The following ARL8B variants were observed in gnomAD, a reference collection of about 807,000 sequenced individuals.
ARL8B encodes the protein ARF like GTPase 8B.
In ARL8B, 9 loss-of-function variants were observed where a neutral mutation model predicts 30.6. The observed-to-expected ratio is 0.29, with a 90% confidence interval of 0.18 to 0.51. The LOEUF (loss-of-function observed/expected upper bound fraction) is 0.51, where lower values mean the gene tolerates loss of function less well. Among genes scored for constraint, ARL8B ranks in the 20% least tolerant of loss-of-function variants. The probability of loss-of-function intolerance (pLI) is 0.97; values close to 1 mark genes in which losing one functional copy is unlikely to be tolerated. For missense variants in ARL8B, 130 were observed against 227.2 expected (o/e 0.57, Z 2.75); for synonymous variants, 74 against 76.0 (o/e 0.97, Z 0.14).
At chr3:5,128,770 A>G (rs911676141) in intron 1 of ARL8B, among the ~76,000 whole-genome samples, 1 of 152,236 alleles carries the variant, frequency 6.6e-6, no homozygotes, top group African/African-American at 2.4e-5. Context: ...ACCATCCAAG[A>G]TTAACTACTG....
At chr3:5,151,676 TG>T (rs565368112) in intron 1 of ARL8B, among the ~76,000 whole-genome samples, 78 of 152,168 alleles carry the variant, frequency 5.1e-4, no homozygotes, top group African/African-American at 1.6e-3. Context: ...GTATGATTTT[TG>T]TATGACTTGA....
chr3:5,163,511 A>G (rs1023906080), intron 1 of ARL8B, among the ~76,000 whole-genome samples: 4 of 152,220 alleles, frequency 2.6e-5, no homozygotes, highest in Non-Finnish European at 4.4e-5. Flanking sequence ...GAAAATGAAC[A>G]TTGTATATAT....
intron 1 of ARL8B, among the ~76,000 whole-genome samples, chr3:5,123,856 C>T (rs1384457597): frequency 6.6e-6 from 1 of 152,104 alleles, no homozygotes; most frequent in Non-Finnish European, 1.5e-5. Flanking sequence ...TTGTTCGGCT[C>T]CTTTTCTAGT....
chr3:5,159,514 A>G (rs1257349236), intron 1 of ARL8B, among the ~76,000 whole-genome samples: 1 of 149,536 alleles, frequency 6.7e-6, no homozygotes, highest in Non-Finnish European at 1.5e-5. Flanking sequence ...AGGCAGGAGA[A>G]TCCCTTGAAC....
Position 5,172,294 on chromosome 3 carries a change from A to AT in ARL8B, c.278+74dup. The AT allele has an allele frequency of 7.4e-6, 10 of 1,353,020 alleles. No homozygotes were observed. In the South Asian group the frequency reaches 1.3e-4, roughly 17 times the overall value. 83.8% of individuals were successfully genotyped at this position (1,353,020 alleles called of 1,614,324 possible). A position where few individuals can be genotyped will look rare whatever the true frequency, so the allele number is the denominator to read the frequency against. On this transcript the variant is annotated intron_variant, in intron 3 of 6. Transcript: ENST00000256496. ...ATCAAAGAAGAAAGTTTATTTTAGT[A>AT]TTTCCAGAGGCTCAATTTTTATCTC...
intron 5 of ARL8B, 60 bp from the exon 6 acceptor site, chr3:5,174,284 A>G: frequency 1.6e-6 from 2 of 1,246,296 alleles, no homozygotes; most frequent in Non-Finnish European, 2.4e-6. Context: ...AAAATTGAAC[A>G]AAGTGATAAG....
rs369119577 is a variant in ARL8B, at chr3:5,177,980, G to A, written c.512-684G>A. On this transcript the variant is annotated intron_variant, in intron 6 of 6. Coordinates refer to ENST00000256496, the MANE Select transcript of ARL8B (RefSeq NM_018184.3). ...TGTTTCGTTAATGCATGTTAGCTGG[G>A]AAACTGGTAGTGAATTTACCCTCAT... Among the ~76,000 whole-genome samples, 11 of 152,316 alleles carry A rather than the reference G, an allele frequency of 7.2e-5. No individual in the cohort carries two copies. In the South Asian group the frequency reaches 2.1e-3, roughly 29 times the overall value.
At chr3:5,162,374 A>C (rs1241216604) in intron 1 of ARL8B, among the ~76,000 whole-genome samples, 1 of 152,212 alleles carries the variant, frequency 6.6e-6, no homozygotes, top group Admixed American at 6.5e-5. Flanking sequence ...AGAAGAATCT[A>C]GGGTTGCCTT....
At position 5,178,985 on chromosome 3, in the gene ARL8B, C is replaced by A. The variant is rs562244007; in HGVS notation, c.*272C>A. On this transcript the variant is annotated 3_prime_UTR_variant, in exon 7 of 7. Transcript: ENST00000256496. ...TAGAGCTTTAAAAACAGAAAAAAAA[C>A]CCCATATACTTATGACCATCTTAAA... 5.2e-4 allele frequency: 173 copies of A among 334,056 alleles called. No homozygotes were observed. The highest frequency in any genetic ancestry group is 2.9e-3 in the African/African-American group (137 of 46,840). 20.7% of individuals were successfully genotyped at this position (334,056 alleles called of 1,614,324 possible).
intron 1 of ARL8B, among the ~76,000 whole-genome samples, chr3:5,142,523 C>T (rs949735580): frequency 6.6e-6 from 1 of 152,176 alleles, no homozygotes; most frequent in Non-Finnish European, 1.5e-5. Flanking sequence ...GCCTGAGGTC[C>T]TCCCGTAGCA....
In ARL8B at chr3:5,178,802, T is replaced by G. The variant is rs775243372; in HGVS notation, c.*89T>G. On this transcript the variant is annotated 3_prime_UTR_variant, in exon 7 of 7. Transcript: ENST00000256496. ...GAAGTAATTCCCAGAATACGGTCCT[T>G]CCTAAACCCCAGAAATTGCCTTTTT... The G allele has an allele frequency of 6.3e-7, 1 of 1,590,564 alleles. No individual in the cohort carries two copies. Among genetic ancestry groups the G allele is most frequent in the South Asian group, 1.1e-5 (1 of 88,916 alleles).
intron 1 of ARL8B, among the ~76,000 whole-genome samples, chr3:5,142,182 C>A (rs975982720): frequency 6.6e-6 from 1 of 152,086 alleles, no homozygotes; most frequent in African/African-American, 2.4e-5. Flanking sequence ...CCCATAGTAC[C>A]ACCAGACGTT....
At position 5,123,217 on chromosome 3, in the gene ARL8B, A is replaced by G. The variant is rs371478990; in HGVS notation, c.123+629A>G. Among the ~76,000 whole-genome samples, 23 of 152,328 alleles carry G rather than the reference A, an allele frequency of 1.5e-4. No homozygotes were observed. The East Asian group carries it at 3.5e-3, about 23-fold the overall frequency. On this transcript the variant is annotated intron_variant, in intron 1 of 6. Coordinates refer to ENST00000256496, the MANE Select transcript of ARL8B (RefSeq NM_018184.3). Reference sequence around the variant, plus strand: ...CACAATACATAGTATTTATTAAGCTAAGAGTTAATTGTCTTAAGCGACTAG... The same window carrying G: ...CACAATACATAGTATTTATTAAGCTGAGAGTTAATTGTCTTAAGCGACTAG...
At chr3:5,151,799 C>T (rs765348898) in intron 1 of ARL8B, among the ~76,000 whole-genome samples, 3 of 148,182 alleles carry the variant, frequency 2.0e-5, no homozygotes, top group African/African-American at 5.0e-5. Context: ...GCTGGCTGCA[C>T]CCTCAACCTC....
At chr3:5,178,441 G>C (rs957604836) in intron 6 of ARL8B, among the ~76,000 whole-genome samples, 1 of 147,958 alleles carries the variant, frequency 6.8e-6, no homozygotes, top group African/African-American at 2.5e-5. Flanking sequence ...GGCACCAGCC[G>C]TCCTATACAC....
intron 6 of ARL8B, among the ~76,000 whole-genome samples, chr3:5,176,294 G>C (rs1409564174): frequency 1.3e-5 from 2 of 152,072 alleles, no homozygotes; most frequent in African/African-American, 4.8e-5. Context: ...GCAGTGGCAA[G>C]ATCTTAGCTC....
At chr3:5,162,260 T>A (rs1411535911) in intron 1 of ARL8B, among the ~76,000 whole-genome samples, 2 of 152,250 alleles carry the variant, frequency 1.3e-5, no homozygotes, top group Non-Finnish European at 2.9e-5. Flanking sequence ...AAAGAGAATG[T>A]CACTCATTGA....
intron 1 of ARL8B, among the ~76,000 whole-genome samples, chr3:5,150,923 G>T (rs2054477746): frequency 6.6e-6 from 1 of 152,210 alleles, no homozygotes; most frequent in Non-Finnish European, 1.5e-5. Flanking sequence ...CTTCCAGTGT[G>T]TTTGGTAGTT....
At chr3:5,164,602 T>C (rs2054608738) in intron 1 of ARL8B, among the ~76,000 whole-genome samples, 1 of 152,234 alleles carries the variant, frequency 6.6e-6, no homozygotes. Context: ...GGCCCTTGTT[T>C]TCTAAGTATG....
Sources: gnomAD v4.1 joint callset for allele counts (sites outside exome capture counted in the v4.1 genomes callset) on GRCh38, gnomAD v4.1.1 for gene constraint, MANE v1.5 for transcripts, NCBI Gene and HGNC (gene_info 2026-07-23, HGNC 2026-07-21) for gene names.